The following RFX3 variants were observed in gnomAD, a reference collection of about 807,000 sequenced individuals.
RFX3 encodes the protein transcription factor RFX3.
In RFX3, 14 loss-of-function variants were observed where a neutral mutation model predicts 98.6. The ratio of observed to expected loss-of-function variants is 0.14; its 90% confidence interval spans 0.09 to 0.22. The LOEUF (loss-of-function observed/expected upper bound fraction) is 0.22. Ranked by LOEUF, RFX3 falls within the 10% of genes least tolerant of loss-of-function variation. The pLI is 1.00. For synonymous variants in RFX3, 383 were observed against 328.4 expected (o/e 1.17, Z -1.80); for missense variants, 639 against 926.9 (o/e 0.69, Z 4.03).
At chr9:3,264,131 C>T (rs890574262) in intron 12 of RFX3, among the ~76,000 whole-genome samples, 2 of 152,080 alleles carry the variant, frequency 1.3e-5, no homozygotes, top group African/African-American at 4.8e-5. Context: ...TTTATCCCCA[C>T]CGTTGGATGC....
chr9:3,237,972 C>CAAA lies in RFX3; in HGVS notation c.1969-9086_1969-9084dup, dbSNP rs760381489. Among the ~76,000 whole-genome samples the CAAA allele has an allele frequency of 9.1e-3, 878 of 96,754 alleles. 17 individuals are homozygous for CAAA. The highest frequency in any genetic ancestry group is 0.03 in the African/African-American group (839 of 27,866). 63.5% of individuals were successfully genotyped at this position (96,754 alleles called of 152,430 possible). ...TGGGTGACAGAGCAAGACCCTGTCT[C>CAAA]AAAAAAAAAAAAAAAAAATTGTGTG... On this transcript the variant is annotated intron_variant, in intron 15 of 16. Transcript: ENST00000617270.
chr9:3,319,382 A>G (rs1297450155), intron 4 of RFX3, among the ~76,000 whole-genome samples: 5 of 152,144 alleles, frequency 3.3e-5, no homozygotes, highest in South Asian at 2.1e-4. Flanking sequence ...CCAGAGTCAG[A>G]CTGCAATGAC....
At chr9:3,351,962 G>A (rs148682476) in intron 2 of RFX3, among the ~76,000 whole-genome samples, 125 of 151,796 alleles carry the variant, frequency 8.2e-4, no homozygotes, top group Middle Eastern at 3.5e-3. Context: ...AAGAGTTGCT[G>A]TACAAAAAAA....
intron 3 of RFX3, among the ~76,000 whole-genome samples, chr9:3,339,925 A>C (rs1358721463): frequency 6.6e-6 from 1 of 152,100 alleles, no homozygotes; most frequent in Non-Finnish European, 1.5e-5. Flanking sequence ...ATGGAACCAA[A>C]AAAGAGCCCA....
At chr9:3,498,589 TTTG>T (rs1247763231) in intron 1 of RFX3, among the ~76,000 whole-genome samples, 1 of 152,050 alleles carries the variant, frequency 6.6e-6, no homozygotes, top group Non-Finnish European at 1.5e-5. Context: ...ATATCCTTTT[TTTG>T]TTGTTGTTAT....
intron 13 of RFX3, among the ~76,000 whole-genome samples, chr9:3,260,715 C>A (rs1232379927): frequency 2.0e-5 from 3 of 151,352 alleles, no homozygotes; most frequent in Non-Finnish European, 3.0e-5. Context: ...TAATACATCC[C>A]ACGGAAATAT....
At chr9:3,249,663 A>AAAT (rs1821125042) in intron 14 of RFX3, among the ~76,000 whole-genome samples, 2 of 152,088 alleles carry the variant, frequency 1.3e-5, no homozygotes, top group Non-Finnish European at 2.9e-5. Context: ...CTATTTACTA[A>AAAT]AATAATAATA....
intron 1 of RFX3, among the ~76,000 whole-genome samples, chr9:3,505,222 T>TTATA (rs1306286411): frequency 1.1e-3 from 62 of 55,568 alleles, no homozygotes; most frequent in African/African-American, 2.5e-3. Flanking sequence ...GAATATATAT[T>TTATA]TATATATGAA....
chr9:3,450,952 G>C (rs1846559500), intron 1 of RFX3, among the ~76,000 whole-genome samples: 1 of 152,134 alleles, frequency 6.6e-6, no homozygotes, highest in African/African-American at 2.4e-5. Context: ...CTGGCACCCA[G>C]ATCTTGGTTT....
At chr9:3,287,737 A>C (rs1826815675) in intron 7 of RFX3, among the ~76,000 whole-genome samples, 1 of 151,970 alleles carries the variant, frequency 6.6e-6, no homozygotes, top group Non-Finnish European at 1.5e-5. Flanking sequence ...AAGGCATCCC[A>C]AACATTCTGC....
At chr9:3,432,371 A>G (rs1252979123) in intron 1 of RFX3, among the ~76,000 whole-genome samples, 2 of 152,176 alleles carry the variant, frequency 1.3e-5, no homozygotes, top group African/African-American at 2.4e-5. Context: ...TGTCGATACT[A>G]TGGAAGAGAA....
chr9:3,334,892 G>A (rs1038776877), intron 3 of RFX3, among the ~76,000 whole-genome samples: 1 of 152,080 alleles, frequency 6.6e-6, no homozygotes, highest in Non-Finnish European at 1.5e-5. Flanking sequence ...GGCTGAGATG[G>A]GTGGATCACC....
intron 14 of RFX3, among the ~76,000 whole-genome samples, chr9:3,252,532 A>G (rs1486762513): frequency 6.6e-6 from 1 of 152,202 alleles, no homozygotes; most frequent in Non-Finnish European, 1.5e-5. Flanking sequence ...CCTGGCAGAA[A>G]GGAGAGCAAA....
At chr9:3,392,307 G>C (rs1462095435) in intron 2 of RFX3, among the ~76,000 whole-genome samples, 2 of 150,898 alleles carry the variant, frequency 1.3e-5, no homozygotes, top group African/African-American at 2.4e-5. Flanking sequence ...AAAAGAAACA[G>C]ACTATGTAAA....
chr9:3,407,074 T>C (rs541404144), intron 1 of RFX3, among the ~76,000 whole-genome samples: 1 of 152,310 alleles, frequency 6.6e-6, no homozygotes, highest in East Asian at 1.9e-4. Flanking sequence ...TTCCTTTGTT[T>C]TTATGAGACA....
chr9:3,361,506 G>A (rs983308596), intron 2 of RFX3, among the ~76,000 whole-genome samples: 7 of 151,794 alleles, frequency 4.6e-5, no homozygotes, highest in Non-Finnish European at 1.0e-4. Flanking sequence ...TTTCAGTCTT[G>A]GTTAAAAGTA....
chr9:3,432,531 C>G (rs577426649), intron 1 of RFX3, among the ~76,000 whole-genome samples: 1 of 151,966 alleles, frequency 6.6e-6, no homozygotes, highest in African/African-American at 2.4e-5. Flanking sequence ...CATGACTTCA[C>G]AAGATTTAGA....
chr9:3,299,799 T>C (rs1189448812), intron 5 of RFX3, among the ~76,000 whole-genome samples: 1 of 151,820 alleles, frequency 6.6e-6, no homozygotes, highest in African/African-American at 2.4e-5. Flanking sequence ...AATCAACAAA[T>C]ACATTTTTAA....
At position 3,271,036 on chromosome 9, in the gene RFX3, G is replaced by C; in HGVS notation, c.1169C>G (p.Thr390Ser). The change falls in exon 10 of 17, where the codon ACT becomes AGT. Residue 390 changes from threonine (T) to serine (S), a missense_variant. By Grantham distance (58) the Thr-to-Ser change is moderately conservative. Coordinates refer to ENST00000617270, the MANE Select transcript of RFX3 (RefSeq NM_001282116.2). ...WQTFWRYSPS[T>S]PTDGTTITES... is the part of the protein sequence containing the mutation. The stretch of plus-strand genomic sequence containing the variant: ...GGTAATGGTAGTGCCATCAGTTGGA[G>C]TAGAGGGAGAATAGCGCCAGAATGT... 6.2e-7 allele frequency: 1 copy of C among 1,613,666 alleles called. No homozygotes were observed. The highest frequency in any genetic ancestry group is 8.5e-7 in the Non-Finnish European group (1 of 1,179,622).
Sources: allele counts gnomAD v4.1 joint callset (sites outside exome capture counted in the v4.1 genomes callset), GRCh38; gene constraint gnomAD v4.1.1; transcripts MANE v1.5; gene names NCBI Gene and HGNC (gene_info 2026-07-23, HGNC 2026-07-21).